KIFAP3: variants seen among roughly 807,000 people sequenced by gnomAD.
KIFAP3 encodes the protein kinesin associated protein 3, also known as kinesin-associated protein 3.
KIFAP3 carries 68 observed loss-of-function variants against 106.5 expected under a neutral mutation model. The ratio of observed to expected loss-of-function variants is 0.64; its 90% CI spans 0.53 to 0.78. The LOEUF (loss-of-function observed/expected upper bound fraction) is 0.78, where lower values mean the gene tolerates loss of function less well. Ranked by LOEUF, KIFAP3 falls within the 30% of genes least tolerant of loss-of-function variation. The pLI is 0.00. For missense variants in KIFAP3, 780 were observed against 941.8 expected (o/e 0.83, Z 2.25); for synonymous variants, 320 against 311.5 (o/e 1.03, Z -0.29).
At chr1:169,927,382 GAAGAA>G (rs1185140189) in intron 19 of KIFAP3, among the ~76,000 whole-genome samples, 1 of 152,204 alleles carries the variant, frequency 6.6e-6, no homozygotes, top group Non-Finnish European at 1.5e-5. Context: ...AATTGCTACA[GAAGAA>G]AAGAGGGGGG....
intron 19 of KIFAP3, among the ~76,000 whole-genome samples, chr1:169,946,200 T>C (rs934077120): frequency 1.4e-4 from 21 of 152,184 alleles, no homozygotes; most frequent in Admixed American, 1.2e-3. Flanking sequence ...ATCCCACTTA[T>C]TTCATTCCCA....
At chr1:169,976,839 T>C (rs1666240021) in intron 16 of KIFAP3, among the ~76,000 whole-genome samples, 2 of 152,104 alleles carry the variant, frequency 1.3e-5, no homozygotes, top group South Asian at 2.1e-4. Flanking sequence ...TGCTTCGGTG[T>C]CCCGAGTAGC....
At chr1:170,042,106 A>G (rs1670011970) in intron 3 of KIFAP3, among the ~76,000 whole-genome samples, 1 of 152,146 alleles carries the variant, frequency 6.6e-6, no homozygotes, top group Non-Finnish European at 1.5e-5. Context: ...AAACTTGGAT[A>G]TTGAGCCAAG....
intron 19 of KIFAP3, among the ~76,000 whole-genome samples, chr1:169,941,423 C>T (rs918945542): frequency 2.0e-5 from 3 of 152,096 alleles, no homozygotes; most frequent in African/African-American, 7.2e-5. Context: ...GTTCTCAATA[C>T]ACTTTTGGTT....
chr1:169,981,746 C>A (rs1666535579), intron 15 of KIFAP3, among the ~76,000 whole-genome samples: 1 of 152,114 alleles, frequency 6.6e-6, no homozygotes, highest in Non-Finnish European at 1.5e-5. Flanking sequence ...TGGTCCTGAA[C>A]TGCTTTACAG....
intron 9 of KIFAP3, among the ~76,000 whole-genome samples, chr1:170,019,762 T>C (rs762134999): frequency 6.6e-6 from 1 of 152,170 alleles, no homozygotes; most frequent in Admixed American, 6.5e-5. Flanking sequence ...GTTTTCCTCA[T>C]AAGATCAGTA....
At chr1:170,011,168 T>C (rs1004494006) in intron 10 of KIFAP3, among the ~76,000 whole-genome samples, 8 of 151,948 alleles carry the variant, frequency 5.3e-5, no homozygotes, top group African/African-American at 1.9e-4. Context: ...TGTAAATCAC[T>C]CCAGTTATTT....
chr1:169,964,002 C>T (rs1442640785), intron 17 of KIFAP3, among the ~76,000 whole-genome samples: 1 of 151,852 alleles, frequency 6.6e-6, no homozygotes, highest in Non-Finnish European at 1.5e-5. Flanking sequence ...AAGATCTTTA[C>T]GTCAGTTAAA....
chr1:170,078,044 T>A (rs1222331068), upstream of KIFAP3, among the ~76,000 whole-genome samples: 1 of 152,190 alleles, frequency 6.6e-6, no homozygotes, highest in African/African-American at 2.4e-5. Flanking sequence ...GTTAGTATTC[T>A]TTACTCCTGT....
chr1:170,041,616 C>T lies in KIFAP3; in HGVS notation c.320-2328G>A. On this transcript the variant is annotated intron_variant, in intron 3 of 19. Coordinates refer to ENST00000361580, the MANE Select transcript of KIFAP3 (RefSeq NM_014970.4). ...CCCGGAGATGAGTCCAAGTGGCTGC[C>T]TGGCTTCTTTAAGCCAGGGGCTGTC... 5.0e-6 allele frequency: 7 copies of T among 1,393,662 alleles called. No homozygotes were observed. In the East Asian group the frequency reaches 1.8e-4, roughly 35 times the overall value. 86.3% of individuals were successfully genotyped at this position (1,393,662 alleles called of 1,614,324 possible). A position where few individuals can be genotyped will look rare whatever the true frequency, so the allele number is the denominator to read the frequency against.
intron 10 of KIFAP3, 97 bp from the exon 11 acceptor site, chr1:169,992,352 T>C: frequency 2.0e-6 from 1 of 504,532 alleles, no homozygotes; most frequent in South Asian, 7.4e-5. Flanking sequence ...CTGAATAAAA[T>C]CTTTATATAA....
At chr1:170,023,723 T>C (rs1668970486) in intron 9 of KIFAP3, among the ~76,000 whole-genome samples, 1 of 152,078 alleles carries the variant, frequency 6.6e-6, no homozygotes, top group African/African-American at 2.4e-5. Flanking sequence ...TTATATTTTA[T>C]CTTTATATAT....
intron 11 of KIFAP3, among the ~76,000 whole-genome samples, chr1:169,986,323 A>G (rs563547811): frequency 6.6e-6 from 1 of 152,036 alleles, no homozygotes; most frequent in African/African-American, 2.4e-5. Flanking sequence ...AATTAAATAA[A>G]AAACACAATA....
chr1:169,945,673 G>A (rs879889142), intron 19 of KIFAP3, among the ~76,000 whole-genome samples: 37 of 152,190 alleles, frequency 2.4e-4, no homozygotes, highest in Non-Finnish European at 4.7e-4. Flanking sequence ...CTTGAAGAGG[G>A]TAGTTCTGTC....
At chr1:170,033,237 G>A (rs1315162272) in intron 7 of KIFAP3, among the ~76,000 whole-genome samples, 2 of 151,686 alleles carry the variant, frequency 1.3e-5, no homozygotes, top group Non-Finnish European at 3.0e-5. Context: ...GGATTTTATA[G>A]TGTCTTGGAG....
rs541731713 is a variant in KIFAP3 at position 170,014,883 on chromosome 1, T to C, written c.1183+1579A>G. On this transcript the variant is annotated intron_variant, in intron 10 of 19. Transcript: ENST00000361580. Reference sequence around the variant, plus strand: ...AGGTACTTTGCAGGCAATTCTTCATTTGATCTTCAAAAACTCTAAGTTGAA... The same window carrying C: ...AGGTACTTTGCAGGCAATTCTTCATCTGATCTTCAAAAACTCTAAGTTGAA... Among the ~76,000 whole-genome samples, 62 of 152,232 alleles carry C rather than the reference T, an allele frequency of 4.1e-4. 1 individual carries two copies. The highest frequency in any genetic ancestry group is 1.4e-3 in the African/African-American group (60 of 41,556).
chr1:169,958,741 A>G (rs1274428484), intron 18 of KIFAP3, among the ~76,000 whole-genome samples: 4 of 152,224 alleles, frequency 2.6e-5, no homozygotes, highest in Non-Finnish European at 4.4e-5. Context: ...ATGTAGTAGC[A>G]ATACGGCTTT....
At chr1:169,935,856 T>G (rs563132904) in intron 19 of KIFAP3, among the ~76,000 whole-genome samples, 1 of 152,028 alleles carries the variant, frequency 6.6e-6, no homozygotes, top group Non-Finnish European at 1.5e-5. Flanking sequence ...ATAAATTATA[T>G]GACAGAGTCC....
chr1:169,982,031 G>A lies in KIFAP3; in HGVS notation c.1739C>T (p.Ser580Phe). ...AGATTTGGCTAGCAATGCAGCACAA[G>A]AGTCATCCATGGATACAGTTCCAAT... Reference protein sequence around the residue: ...IMIGTVSMDDSCAALLAKSGI... With the variant: ...IMIGTVSMDDFCAALLAKSGI... The change falls in exon 15 of 20, where the codon TCT becomes TTT. Residue 580 changes from serine (S) to phenylalanine (F), a missense_variant. Ser to Phe is a radical substitution (Grantham distance 155, BLOSUM62 -2). Transcript: ENST00000361580. 1 of 1,613,254 alleles carries A rather than the reference G, an allele frequency of 6.2e-7. No individual in the cohort carries two copies. The highest frequency in any genetic ancestry group is 8.5e-7 in the Non-Finnish European group (1 of 1,179,280).
Sources: gnomAD v4.1 joint callset for allele counts (sites outside exome capture counted in the v4.1 genomes callset) on GRCh38, gnomAD v4.1.1 for gene constraint, MANE v1.5 for transcripts, NCBI Gene and HGNC (gene_info 2026-07-23, HGNC 2026-07-21) for gene names.